JMJD1C: variants seen among roughly 807,000 people sequenced by gnomAD.
JMJD1C encodes jumonji domain-containing protein 1C.
Under a neutral mutation model 245.3 loss-of-function variants are expected in JMJD1C, and 31 were observed. The observed-to-expected ratio is 0.13, with a 90% confidence interval of 0.09 to 0.17. The LOEUF is 0.17. JMJD1C is among the 10% of genes least tolerant of loss of function. The pLI is 1.00. For missense variants in JMJD1C, 2,691 were observed against 3,000.2 expected, an observed-to-expected ratio of 0.90 and a Z score of 2.41; for synonymous variants, 1,057 against 1,017.4, an observed-to-expected ratio of 1.04 and a Z score of -0.74.
chr10:63,311,518 A>T (rs1422085237), intron 2 of JMJD1C, among the ~76,000 whole-genome samples: 1 of 152,180 alleles, frequency 6.6e-6, no homozygotes, highest in Non-Finnish European at 1.5e-5. Context: ...AAACCAAGAA[A>T]CCTAAAAGTT....
At chr10:63,468,317 T>C (rs1953381826), upstream of JMJD1C, among the ~76,000 whole-genome samples, 1 of 152,204 alleles carries the variant, frequency 6.6e-6, no homozygotes, top group Non-Finnish European at 1.5e-5. Context: ...TAAAAGTACA[T>C]TTTTTTAAAT....
chr10:63,465,239 T>TC (rs1953128026), intron 1 of JMJD1C: 3 of 430,000 alleles, frequency 7.0e-6, no homozygotes, highest in Middle Eastern at 5.9e-4. Context: ...GGTCGACCCC[T>TC]CCGGGATGGG....
At chr10:63,364,133 G>T (rs146427580) in intron 2 of JMJD1C, among the ~76,000 whole-genome samples, 1 of 152,118 alleles carries the variant, frequency 6.6e-6, no homozygotes, top group African/African-American at 2.4e-5. Flanking sequence ...CCAAAGTGCC[G>T]GGATTACAGG....
chr10:63,238,951 C>T (rs761024561), intron 3 of JMJD1C, among the ~76,000 whole-genome samples: 1 of 152,060 alleles, frequency 6.6e-6, no homozygotes. Context: ...CACACAAATA[C>T]GATACAGATT....
chr10:63,371,708 T>G (rs1002229967), intron 2 of JMJD1C, among the ~76,000 whole-genome samples: 24 of 152,212 alleles, frequency 1.6e-4, no homozygotes, highest in African/African-American at 5.3e-4. Context: ...AATAATGTCA[T>G]TTTATAATCC....
chr10:63,500,219 C>A (rs186926760), intron 1 of JMJD1C, among the ~76,000 whole-genome samples: 1 of 151,996 alleles, frequency 6.6e-6, no homozygotes, highest in African/African-American at 2.4e-5. Context: ...CCCAGAAGTT[C>A]GAGACCAGCT....
At chr10:63,356,497 C>T (rs2134326869) in intron 2 of JMJD1C, among the ~76,000 whole-genome samples, 1 of 152,310 alleles carries the variant, frequency 6.6e-6, no homozygotes, top group East Asian at 1.9e-4. Flanking sequence ...GGACCGGACC[C>T]TCAAGGTTAG....
chr10:63,242,231 G>A (rs112377062), intron 3 of JMJD1C, among the ~76,000 whole-genome samples: 2 of 152,288 alleles, frequency 1.3e-5, no homozygotes, highest in African/African-American at 2.4e-5. Context: ...AGCATTTAGA[G>A]GCTAAGTGGT....
At position 63,295,957 on chromosome 10, in the gene JMJD1C, A is replaced by G. The variant is rs549645944; in HGVS notation, c.334-31193T>C. The stretch of plus-strand genomic sequence containing the variant: ...TGTATACATATATATATATACACGT[A>G]TATGTGTGTGTGTGTGTGTGTGTGT... On this transcript the variant is annotated intron_variant, in intron 2 of 25. Coordinates refer to ENST00000399262, the MANE Select transcript of JMJD1C (RefSeq NM_032776.3). Among the ~76,000 whole-genome samples the G allele has an allele frequency of 1.4e-4, 13 of 94,550 alleles. 1 individual carries two copies. The highest frequency in any genetic ancestry group is 7.4e-4 in the South Asian group (2 of 2,714). 62.0% of individuals were successfully genotyped at this position (94,550 alleles called of 152,430 possible). A position where few individuals can be genotyped will look rare whatever the true frequency, so the allele number is the denominator to read the frequency against.
At chr10:63,174,182 T>C (rs1204670796) in intron 24 of JMJD1C, among the ~76,000 whole-genome samples, 1 of 152,224 alleles carries the variant, frequency 6.6e-6, no homozygotes, top group Non-Finnish European at 1.5e-5. Context: ...ATCCCACCAT[T>C]CAGTATTTAC....
intron 3 of JMJD1C, chr10:63,222,967 A>G (rs1848784230): frequency 6.8e-7 from 1 of 1,462,426 alleles, no homozygotes; most frequent in African/African-American, 1.4e-5. Flanking sequence ...AGATAATGTC[A>G]GCAGTGAGAG....
chr10:63,269,276 G>GT (rs1250832920), intron 2 of JMJD1C: 2 of 880,238 alleles, frequency 2.3e-6, no homozygotes, highest in Non-Finnish European at 2.7e-6. Context: ...TCTGTAAACT[G>GT]TAACTAATCC....
rs560530840 is a variant in JMJD1C at position 63,389,054 on chromosome 10, T to G, written c.169-8572A>C. On this transcript the variant is annotated intron_variant, in intron 1 of 25. Transcript: ENST00000399262. ...AGACCTCAATGGAGACCAGGTGTGC[T>G]GGCTTACACCTGTAATCCCAGCACT... 7.4e-4 allele frequency among the ~76,000 whole-genome samples: 113 copies of G among 152,288 alleles called. 1 individual carries two copies. Among genetic ancestry groups the G allele is most frequent in the Admixed American group, 1.7e-3 (26 of 15,290 alleles).
intron 2 of JMJD1C, among the ~76,000 whole-genome samples, chr10:63,329,249 T>A (rs1216344658): frequency 2.0e-5 from 3 of 147,154 alleles, no homozygotes; most frequent in Non-Finnish European, 4.5e-5. Context: ...GCCACTGAAC[T>A]CCAGCCTAGG....
chr10:63,300,805 T>A (rs1484297757), intron 2 of JMJD1C, among the ~76,000 whole-genome samples: 2 of 151,118 alleles, frequency 1.3e-5, no homozygotes, highest in South Asian at 2.1e-4. Flanking sequence ...GGGACAAGAA[T>A]CACTCGAACC....
At chr10:63,412,432 G>C (rs1006061522) in intron 1 of JMJD1C, among the ~76,000 whole-genome samples, 2 of 152,140 alleles carry the variant, frequency 1.3e-5, no homozygotes, top group African/African-American at 2.4e-5. Context: ...GACTGCGAGA[G>C]ATCATTTCTT....
At chr10:63,341,625 T>C (rs1262267823) in intron 2 of JMJD1C, among the ~76,000 whole-genome samples, 1 of 152,244 alleles carries the variant, frequency 6.6e-6, no homozygotes, top group Non-Finnish European at 1.5e-5. Context: ...TCATGTTCAC[T>C]GCAGAGAAGC....
At chr10:63,364,033 TA>T (rs987848902) in intron 2 of JMJD1C, among the ~76,000 whole-genome samples, 81 of 150,868 alleles carry the variant, frequency 5.4e-4, no homozygotes, top group African/African-American at 1.8e-3. Context: ...TTTTTGTATA[TA>T]TTTTTTTTTA....
chr10:63,404,760 G>A (rs1949072570), intron 1 of JMJD1C, among the ~76,000 whole-genome samples: 1 of 152,124 alleles, frequency 6.6e-6, no homozygotes, highest in Non-Finnish European at 1.5e-5. Flanking sequence ...ATAGTAATTA[G>A]GGAAGGAGGA....
Sources: gnomAD v4.1 joint callset for allele counts (sites outside exome capture counted in the v4.1 genomes callset) on GRCh38, gnomAD v4.1.1 for gene constraint, MANE v1.5 for transcripts, NCBI Gene and HGNC (gene_info 2026-07-23, HGNC 2026-07-21) for gene names.